Variants in CALN1 observed in about 807,000 individuals in gnomAD.
The protein encoded by CALN1 is calneuron 1.
A neutral mutation model predicts 30.6 loss-of-function variants in CALN1; 17 were observed. The observed-to-expected ratio is 0.56, with a 90% CI of 0.38 to 0.83. The LOEUF (loss-of-function observed/expected upper bound fraction) is 0.83. CALN1 is among the 40% of genes least tolerant of loss of function. CALN1 has a pLI of 0.00. For missense variants in CALN1, 291 were observed against 354.9 expected, an observed-to-expected ratio of 0.82 and a Z score of 1.45; for synonymous variants, 156 against 131.4, an observed-to-expected ratio of 1.19 and a Z score of -1.28.
At chr7:72,317,052 AAG>A (rs767747102) in intron 2 of CALN1, among the ~76,000 whole-genome samples, 2 of 136,866 alleles carry the variant, frequency 1.5e-5, no homozygotes, top group Admixed American at 7.4e-5. Context: ...GAGAGAGAGA[AAG>A]AGAGAGAGAG....
At chr7:72,140,242 G>C (rs1248038573) in intron 3 of CALN1, among the ~76,000 whole-genome samples, 2 of 150,680 alleles carry the variant, frequency 1.3e-5, no homozygotes, top group African/African-American at 4.9e-5. Flanking sequence ...CTTCACTCCA[G>C]CCTGGGTGAC....
intron 2 of CALN1, among the ~76,000 whole-genome samples, chr7:72,381,709 G>C (rs544769463): frequency 6.6e-6 from 1 of 152,132 alleles, no homozygotes; most frequent in Non-Finnish European, 1.5e-5. Flanking sequence ...AGGGGCATGG[G>C]GGCAAGGGGA....
intron 4 of CALN1, among the ~76,000 whole-genome samples, chr7:72,100,068 C>T (rs1806538766): frequency 6.6e-6 from 1 of 152,070 alleles, no homozygotes; most frequent in Non-Finnish European, 1.5e-5. Context: ...TAAAAATTTC[C>T]CCACAAGCTG....
At chr7:71,790,368 A>AAAAG (rs66616944) in intron 6 of CALN1, among the ~76,000 whole-genome samples, 4,116 of 123,670 alleles carry the variant, frequency 0.033, 83 homozygotes, top group African/African-American at 0.06. Flanking sequence ...AGAAAGAAAG[A>AAAAG]AAAGAAAGAA....
chr7:72,427,330 T>C (rs117465490), intron 1 of CALN1, among the ~76,000 whole-genome samples: 50 of 152,240 alleles, frequency 3.3e-4, no homozygotes, highest in Non-Finnish European at 6.6e-4. Context: ...TTAGCTCAAC[T>C]AGGGCCATTT....
intron 2 of CALN1, among the ~76,000 whole-genome samples, chr7:72,327,601 AT>A (rs1173289801): frequency 2.8e-4 from 42 of 152,260 alleles, no homozygotes; most frequent in Non-Finnish European, 1.5e-5. Flanking sequence ...AAGCTGTCGA[AT>A]TTGCACTTCT....
intron 3 of CALN1, among the ~76,000 whole-genome samples, chr7:72,171,774 G>A (rs1788985531): frequency 6.6e-6 from 1 of 152,078 alleles, no homozygotes; most frequent in Admixed American, 6.6e-5. Flanking sequence ...ATTTATTTTA[G>A]AGATCAGTAA....
At chr7:72,409,504 G>A (rs1405022215) in intron 1 of CALN1, among the ~76,000 whole-genome samples, 1 of 146,404 alleles carries the variant, frequency 6.8e-6, no homozygotes, top group African/African-American at 2.5e-5. Flanking sequence ...TGAGTGGACT[G>A]GCCAACCTCA....
rs146475936 is a variant in CALN1 at position 72,399,938 on chromosome 7, T to G, written c.119+3313A>C. On this transcript the variant is annotated intron_variant, in intron 2 of 6. Coordinates refer to ENST00000395275, the MANE Select transcript of CALN1 (RefSeq NM_031468.4). ...GCTAGTTGTTAAAAAGAGCCTGGCA[T>G]CTCTCTTGTTCCCTCTCTCTCCATA... Among the ~76,000 whole-genome samples, 371 of 152,248 alleles carry G rather than the reference T, an allele frequency of 2.4e-3. 11 individuals are homozygous for G. The East Asian group carries it at 0.054, about 22-fold the overall frequency.
chr7:71,950,143 C>T (rs531548726), intron 5 of CALN1, among the ~76,000 whole-genome samples: 2 of 152,076 alleles, frequency 1.3e-5, no homozygotes, highest in East Asian at 1.9e-4. Context: ...ATTCTTTGTT[C>T]GAGATGCCAA....
intron 5 of CALN1, among the ~76,000 whole-genome samples, chr7:71,833,210 G>A (rs1789395038): frequency 6.6e-6 from 1 of 152,194 alleles, no homozygotes; most frequent in African/African-American, 2.4e-5. Flanking sequence ...CCTTAATAGA[G>A]CACTTGCAAC....
chr7:72,064,766 C>A (rs925056166), intron 4 of CALN1, among the ~76,000 whole-genome samples: 1 of 152,014 alleles, frequency 6.6e-6, no homozygotes, highest in Admixed American at 6.6e-5. Flanking sequence ...ATTCCAAAAT[C>A]CATCCCCCCT....
At chr7:71,897,979 A>AAC (rs1793625326) in intron 5 of CALN1, among the ~76,000 whole-genome samples, 1 of 117,756 alleles carries the variant, frequency 8.5e-6, no homozygotes, top group African/African-American at 4.2e-5. Flanking sequence ...AAACAAAAAA[A>AAC]AAAAAAAAAA....
At position 71,990,567 on chromosome 7, in the gene CALN1, C is replaced by T. The variant is rs183967593; in HGVS notation, c.501+33090G>A. Among the ~76,000 whole-genome samples the T allele has an allele frequency of 1.7e-4, 26 of 152,076 alleles. 1 individual carries two copies. The highest frequency in any genetic ancestry group is 5.8e-4 in the African/African-American group (24 of 41,462). Reference sequence around the variant, plus strand: ...TCCCAGGTTCAAGCAATTCTCCTGCCTCAGCCTCCTCAGTAACTGTGATTA... The same window carrying T: ...TCCCAGGTTCAAGCAATTCTCCTGCTTCAGCCTCCTCAGTAACTGTGATTA... On this transcript the variant is annotated intron_variant, in intron 5 of 6. Coordinates refer to ENST00000395275, the MANE Select transcript of CALN1 (RefSeq NM_031468.4).
chr7:72,116,327 G>A (rs957805450), intron 3 of CALN1, among the ~76,000 whole-genome samples: 1 of 152,142 alleles, frequency 6.6e-6, no homozygotes, highest in South Asian at 2.1e-4. Flanking sequence ...AGACTAGCCT[G>A]GACAACATAG....
At chr7:71,960,764 G>A (rs1584616396) in intron 5 of CALN1, among the ~76,000 whole-genome samples, 1 of 152,112 alleles carries the variant, frequency 6.6e-6, no homozygotes, top group East Asian at 1.9e-4. Flanking sequence ...CTCCATGCAG[G>A]TGCAAACTCC....
chr7:71,960,005 G>A (rs1193131321), intron 5 of CALN1, among the ~76,000 whole-genome samples: 2 of 151,622 alleles, frequency 1.3e-5, no homozygotes, highest in African/African-American at 4.8e-5. Flanking sequence ...GTGGTGGCGG[G>A]CACCTGTAAT....
At chr7:71,879,498 C>G (rs569064900) in intron 5 of CALN1, among the ~76,000 whole-genome samples, 3 of 152,308 alleles carry the variant, frequency 2.0e-5, no homozygotes, top group African/African-American at 7.2e-5. Context: ...CTTCCAGAGG[C>G]TGAGAAAGAG....
At chr7:72,381,880 T>C (rs77508850) in intron 2 of CALN1, among the ~76,000 whole-genome samples, 2,069 of 152,228 alleles carry the variant, frequency 0.014, 62 homozygotes, top group African/African-American at 0.047. Flanking sequence ...AAAAGAATTA[T>C]AGATGCTCCA....
Sources: allele counts gnomAD v4.1 joint callset (sites outside exome capture counted in the v4.1 genomes callset), GRCh38; gene constraint gnomAD v4.1.1; transcripts MANE v1.5; gene names NCBI Gene and HGNC (gene_info 2026-07-23, HGNC 2026-07-21).